Variants in ADAMTS6 observed in about 807,000 individuals in gnomAD.
ADAMTS6 encodes the protein ADAM metallopeptidase with thrombospondin type 1 motif 6.
In ADAMTS6, 23 loss-of-function variants were observed where a neutral mutation model predicts 144.3. That is an observed-to-expected ratio of 0.16 (90% CI 0.11 to 0.23). The LOEUF (loss-of-function observed/expected upper bound fraction) is 0.23, where lower values mean the gene tolerates loss of function less well. Ranked by LOEUF, ADAMTS6 falls within the 10% of genes least tolerant of loss-of-function variation. The probability of loss-of-function intolerance (pLI) is 1.00; values close to 1 mark genes in which losing one functional copy is unlikely to be tolerated. For missense variants in ADAMTS6, 999 were observed against 1,379.6 expected (o/e 0.72, Z 4.37); for synonymous variants, 444 against 457.5 (o/e 0.97, Z 0.38).
intron 7 of ADAMTS6, among the ~76,000 whole-genome samples, chr5:65,441,629 C>T (rs1159577338): frequency 6.6e-6 from 1 of 152,032 alleles, no homozygotes; most frequent in South Asian, 2.1e-4. Flanking sequence ...ACATTCTTTT[C>T]AAGCGCACCC....
At chr5:65,459,033 TTTTC>T (rs1759445824) in intron 4 of ADAMTS6, among the ~76,000 whole-genome samples, 1 of 151,522 alleles carries the variant, frequency 6.6e-6, no homozygotes, top group African/African-American at 2.4e-5. Context: ...CGTCTTTTTT[TTTTC>T]TTTCTTTTTT....
At chr5:65,353,154 A>T (rs1314942467) in intron 7 of ADAMTS6, among the ~76,000 whole-genome samples, 1 of 152,088 alleles carries the variant, frequency 6.6e-6, no homozygotes, top group Non-Finnish European at 1.5e-5. Flanking sequence ...CATCTTGGCC[A>T]GAAACATTGT....
rs116829396 is a variant in ADAMTS6, at chr5:65,204,065, T to C, written c.2576-6914A>G. On this transcript the variant is annotated intron_variant, in intron 20 of 24. Coordinates refer to ENST00000381055, the MANE Select transcript of ADAMTS6 (RefSeq NM_197941.4). The stretch of plus-strand genomic sequence containing the variant: ...AAATGATGAAACAGTACTAGGAGAA[T>C]ATTTTGGCTTAGCAGAGATTTCTTG... Among the ~76,000 whole-genome samples the C allele has an allele frequency of 3.9e-3, 587 of 152,316 alleles. 4 individuals carry two copies. Among genetic ancestry groups the C allele is most frequent in the Middle Eastern group, 3.4e-3 (1 of 294 alleles).
chr5:65,162,683 G>T (rs564641394), intron 24 of ADAMTS6, among the ~76,000 whole-genome samples: 3 of 151,674 alleles, frequency 2.0e-5, no homozygotes, highest in Admixed American at 2.0e-4. Context: ...ATCTATTTGT[G>T]TATGTGAGAT....
intron 3 of ADAMTS6, among the ~76,000 whole-genome samples, chr5:65,462,418 G>T (rs181306381): frequency 6.6e-6 from 1 of 152,288 alleles, no homozygotes; most frequent in East Asian, 1.9e-4. Context: ...CTAATTTCAA[G>T]AATGAAAAGA....
intron 3 of ADAMTS6, among the ~76,000 whole-genome samples, chr5:65,468,436 CA>C (rs60362335): frequency 0.18 from 12,529 of 70,326 alleles, 514 homozygotes; most frequent in Admixed American, 0.23. Flanking sequence ...GACCCTGTCT[CA>C]AAAAAAAAAA....
At chr5:65,419,412 A>C (rs1367255293) in intron 7 of ADAMTS6, among the ~76,000 whole-genome samples, 1 of 152,140 alleles carries the variant, frequency 6.6e-6, no homozygotes, top group Non-Finnish European at 1.5e-5. Context: ...AGAAGGAAGG[A>C]GGGGAGAAAG....
At chr5:65,209,743 C>T (rs1282909089) in intron 20 of ADAMTS6, among the ~76,000 whole-genome samples, 4 of 152,254 alleles carry the variant, frequency 2.6e-5, no homozygotes, top group South Asian at 4.2e-4. Flanking sequence ...AGACTGCCAC[C>T]GAAAGTTCTT....
chr5:65,208,423 C>G (rs1320624786), intron 20 of ADAMTS6, among the ~76,000 whole-genome samples: 2 of 152,120 alleles, frequency 1.3e-5, no homozygotes, highest in East Asian at 3.8e-4. Flanking sequence ...AACCATTGCT[C>G]TATGGAAGGC....
At chr5:65,472,290 G>C (rs187759733) in intron 2 of ADAMTS6, among the ~76,000 whole-genome samples, 90 of 152,202 alleles carry the variant, frequency 5.9e-4, no homozygotes, top group African/African-American at 2.0e-3. Context: ...TGGTTTGGAG[G>C]GAATTTGGAA....
At chr5:65,322,124 G>A (rs1013037216) in intron 9 of ADAMTS6, among the ~76,000 whole-genome samples, 3 of 152,096 alleles carry the variant, frequency 2.0e-5, no homozygotes, top group African/African-American at 7.2e-5. Flanking sequence ...ATTGAAAAGG[G>A]AATCCTTTCC....
intron 9 of ADAMTS6, among the ~76,000 whole-genome samples, chr5:65,318,917 G>C (rs1745270490): frequency 1.3e-5 from 2 of 152,100 alleles, no homozygotes; most frequent in African/African-American, 4.8e-5. Flanking sequence ...ATACATGCTT[G>C]AGGGGTTGGA....
Position 65,170,512 on chromosome 5 carries a change from A to G in ADAMTS6, c.3244+105T>C, listed in dbSNP as rs996442011. 6 of 1,308,276 alleles carry G rather than the reference A, an allele frequency of 4.6e-6. No individual in the cohort carries two copies. In the African/African-American group the frequency reaches 8.8e-5, roughly 19 times the overall value. The allele number at this position is 1,308,276 out of a possible 1,614,324, so 81.0% of individuals were successfully genotyped here. A position where few individuals can be genotyped will look rare whatever the true frequency, so the allele number is the denominator to read the frequency against. On this transcript the variant is annotated intron_variant, in intron 24 of 24. Coordinates refer to ENST00000381055, the MANE Select transcript of ADAMTS6 (RefSeq NM_197941.4). ...TATAAGCAGCTTTCACAAATGCTCT[A>G]CTCAAACTACACTACAGTAGTGGGT...
chr5:65,374,093 T>A (rs1323148852), intron 7 of ADAMTS6, among the ~76,000 whole-genome samples: 2 of 152,202 alleles, frequency 1.3e-5, no homozygotes, highest in African/African-American at 4.8e-5. Context: ...AAATTAGGTA[T>A]TGATGGGACA....
intron 11 of ADAMTS6, among the ~76,000 whole-genome samples, chr5:65,287,918 A>G (rs531949063): frequency 6.6e-6 from 1 of 152,348 alleles, no homozygotes. Context: ...CATTTATAGA[A>G]TACTGCATTA....
In ADAMTS6 at chr5:65,452,863, A is replaced by G. The variant is rs1218587122; in HGVS notation, c.687T>C (p.Tyr229=). The change falls in exon 5 of 25, where the codon TAT becomes TAC. Residue 229 remains tyrosine (Y), a synonymous_variant. Coordinates refer to ENST00000381055, the MANE Select transcript of ADAMTS6 (RefSeq NM_197941.4). ...TATGTGTGTTGTTAATTGGTAGTGAATAAGAAACAGTGGATGTGTCATTCA... is the reference window on the plus strand; with the variant it reads ...TATGTGTGTTGTTAATTGGTAGTGAGTAAGAAACAGTGGATGTGTCATTCA... ...WWLNDTSTVS[Y]SLPINNTHIH... 1.2e-6 allele frequency: 2 copies of G among 1,614,088 alleles called. No homozygotes were observed. The highest frequency in any genetic ancestry group is 8.5e-7 in the Non-Finnish European group (1 of 1,179,956).
intron 7 of ADAMTS6, among the ~76,000 whole-genome samples, chr5:65,364,564 C>CTTTTT (rs1245835544): frequency 9.7e-4 from 114 of 117,766 alleles, no homozygotes; most frequent in African/African-American, 2.3e-3. Flanking sequence ...GAATTTCTTT[C>CTTTTT]TTTTTTTTTT....
At chr5:65,388,149 C>T (rs1188397499) in intron 7 of ADAMTS6, among the ~76,000 whole-genome samples, 6 of 152,026 alleles carry the variant, frequency 3.9e-5, no homozygotes, top group Non-Finnish European at 8.8e-5. Flanking sequence ...GGCAGAGTTG[C>T]GGTGAGCCAA....
In ADAMTS6 at chr5:65,473,636, C is replaced by A. The variant is rs1268213087; in HGVS notation, c.38G>T (p.Ser13Ile). The change falls in exon 2 of 25, where the codon AGC becomes ATC. Residue 13 changes from serine to isoleucine, a missense_variant. Around this residue, in one of 3 missense-constraint regions of ADAMTS6, gnomAD observed 252 missense variants for 293.7 expected, o/e 0.86. Coordinates refer to ENST00000381055, the MANE Select transcript of ADAMTS6 (RefSeq NM_197941.4). Reference protein sequence around the residue: ...ILWKTLTWILSLIMASSEFHS... With the variant: ...ILWKTLTWILILIMASSEFHS... The stretch of plus-strand genomic sequence containing the variant: ...AAATTCCGATGAAGCCATGATGAGG[C>A]TCAAAATCCAGGTCAACGTCTTCCA... 1 of 1,613,792 alleles carries A rather than the reference C, an allele frequency of 6.2e-7. No homozygotes were observed.
Sources: gnomAD v4.1 joint callset for allele counts (sites outside exome capture counted in the v4.1 genomes callset) on GRCh38, gnomAD v4.1.1 for gene constraint, gnomAD v4.1.1 regional missense constraint, MANE v1.5 for transcripts, NCBI Gene and HGNC (gene_info 2026-07-23, HGNC 2026-07-21) for gene names.